Variants in BPTF observed in about 807,000 individuals in gnomAD.
The protein encoded by BPTF is nucleosome-remodeling factor subunit BPTF.
BPTF carries 18 observed loss-of-function variants against 292.5 expected under a neutral mutation model. That is an observed-to-expected ratio of 0.06 (90% CI 0.04 to 0.09). The LOEUF (loss-of-function observed/expected upper bound fraction) is 0.09. BPTF is among the 10% of genes least tolerant of loss of function. The pLI is 1.00. For missense variants in BPTF, 2,726 were observed against 3,498.7 expected, an observed-to-expected ratio of 0.78 and a Z score of 5.57; for synonymous variants, 1,225 against 1,251.9, an observed-to-expected ratio of 0.98 and a Z score of 0.45.
At chr17:67,913,453 A>G (rs2146977189) in intron 11 of BPTF, among the ~76,000 whole-genome samples, 1 of 152,330 alleles carries the variant, frequency 6.6e-6, no homozygotes, top group East Asian at 1.9e-4. Context: ...CATAAGACAA[A>G]AGGAACATGT....
intron 26 of BPTF, chr17:67,975,563 CG>C (rs2069310886): frequency 2.1e-6 from 1 of 477,840 alleles, no homozygotes; most frequent in African/African-American, 2.0e-5. Context: ...AACAGCAACC[CG>C]GATTTATATT....
chr17:67,887,139 A>G (rs965064586), intron 4 of BPTF, among the ~76,000 whole-genome samples: 1 of 152,224 alleles, frequency 6.6e-6, no homozygotes, highest in African/African-American at 2.4e-5. Flanking sequence ...AAATTCAACA[A>G]CATCATTCCT....
chr17:67,928,223 G>T, intron 15 of BPTF, 132 bp from the exon 16 acceptor site: 1 of 1,008,338 alleles, frequency 9.9e-7, no homozygotes, highest in Non-Finnish European at 1.4e-6. Context: ...TATTCTTTTT[G>T]GAAGTAAAAT....
intron 7 of BPTF, among the ~76,000 whole-genome samples, chr17:67,900,754 A>T (rs1389466707): frequency 6.6e-6 from 1 of 152,158 alleles, no homozygotes; most frequent in African/African-American, 2.4e-5. Context: ...TCACGCCTGT[A>T]ATCCCAACAC....
chr17:67,906,719 A>G (rs2062226710), intron 9 of BPTF, among the ~76,000 whole-genome samples: 1 of 152,082 alleles, frequency 6.6e-6, no homozygotes, highest in Admixed American at 6.6e-5. Flanking sequence ...AAATAGATAT[A>G]TTTTTTATAT....
At chr17:67,881,892 G>A (rs1393402065) in intron 4 of BPTF, among the ~76,000 whole-genome samples, 7 of 112,728 alleles carry the variant, frequency 6.2e-5, no homozygotes, top group South Asian at 2.9e-4. Context: ...TTTGAGACAG[G>A]GTCTTGCTCT....
chr17:67,826,588 C>A (rs1425268721), intron 1 of BPTF, among the ~76,000 whole-genome samples: 1 of 147,976 alleles, frequency 6.8e-6, no homozygotes, highest in African/African-American at 2.5e-5. Flanking sequence ...TCTCCCCCCC[C>A]CAACCCCCTT....
chr17:67,840,687 G>A (rs2057485932), intron 1 of BPTF, among the ~76,000 whole-genome samples: 1 of 152,000 alleles, frequency 6.6e-6, no homozygotes, highest in Non-Finnish European at 1.5e-5. Flanking sequence ...TTCAGCCTCT[G>A]AAGTAGTTGG....
chr17:67,866,816 A>G (rs1689727022), intron 3 of BPTF, 129 bp downstream of exon 3: 2 of 677,818 alleles, frequency 3.0e-6, no homozygotes, highest in Admixed American at 2.9e-5. Context: ...TGATGGGGAT[A>G]CATTCTGAAA....
At chr17:67,884,032 A>G (rs1162413932) in intron 4 of BPTF, among the ~76,000 whole-genome samples, 1 of 151,954 alleles carries the variant, frequency 6.6e-6, no homozygotes, top group Non-Finnish European at 1.5e-5. Context: ...AGATCATTTT[A>G]TGTGTGAACA....
rs1416933041 is a variant in BPTF at position 67,826,006 on chromosome 17, G to A, written c.282G>A (p.Gly94=). The A allele has an allele frequency of 1.7e-6, 2 of 1,165,766 alleles. No individual in the cohort carries two copies. Among genetic ancestry groups the A allele is most frequent in the African/African-American group, 3.2e-5 (2 of 61,692 alleles). 72.2% of individuals were successfully genotyped at this position (1,165,766 alleles called of 1,614,324 possible). Reference sequence around the variant, plus strand: ...GCACCAGCGCCCCGGGCCGGGGGGGGCGAGGAGGCGGGGGCGGCAGGACGG... The same window carrying A: ...GCACCAGCGCCCCGGGCCGGGGGGGACGAGGAGGCGGGGGCGGCAGGACGG... ...PPSTSAPGRG[G]RGGGGGRTGG... is the part of the protein sequence containing the mutation. Residue 94 remains glycine, a synonymous_variant, in exon 1 of 28, where the codon GGG becomes GGA. Coordinates refer to ENST00000306378, the MANE Select transcript of BPTF (RefSeq NM_182641.4).
Position 67,920,030 on chromosome 17 carries a change from A to G in BPTF, c.5444A>G (p.Glu1815Gly). ...GTTRTETSET[E>G]ITTTEIIKRR... The stretch of plus-strand genomic sequence containing the variant: ...ATCACCATAGAAACATCCGAAACTG[A>G]AATCACAACAACAGAAATAATTAAG... The change falls in exon 13 of 28, where the codon GAA becomes GGA. Residue 1815 changes from glutamate (E) to glycine (G), a missense_variant. By Grantham distance (98) the Glu-to-Gly change is moderately conservative. Transcript: ENST00000306378. The G allele has an allele frequency of 6.2e-7, 1 of 1,610,486 alleles. No homozygotes were observed. The highest frequency in any genetic ancestry group is 1.3e-5 in the African/African-American group (1 of 74,844).
chr17:67,943,026 G>A (rs2065506992), intron 19 of BPTF, among the ~76,000 whole-genome samples: 1 of 152,044 alleles, frequency 6.6e-6, no homozygotes, highest in Admixed American at 6.6e-5. Flanking sequence ...GAACCTCAGT[G>A]GCCTTATATA....
chr17:67,894,255 A>G, intron 7 of BPTF, 90 bp downstream of exon 7: 1 of 1,357,374 alleles, frequency 7.4e-7, no homozygotes, highest in Admixed American at 2.1e-5. Flanking sequence ...TATATTTAAG[A>G]GGCCATATTG....
chr17:67,971,500 A>T (rs1267097626), intron 26 of BPTF, among the ~76,000 whole-genome samples: 3 of 150,730 alleles, frequency 2.0e-5, no homozygotes, highest in African/African-American at 7.3e-5. Context: ...AAAAAAAAAG[A>T]GTTATTTTTA....
intron 26 of BPTF, among the ~76,000 whole-genome samples, chr17:67,972,065 A>G (rs1050927958): frequency 2.6e-5 from 4 of 152,106 alleles, no homozygotes; most frequent in Admixed American, 6.6e-5. Flanking sequence ...CACTACTCCT[A>G]TAGTGTCCCC....
Position 67,928,386 on chromosome 17 carries a change from T to C in BPTF, c.5783T>C (p.Ile1928Thr), listed in dbSNP as rs145536461. 3.1e-5 allele frequency: 50 copies of C among 1,613,464 alleles called. No individual in the cohort carries two copies. The East Asian group carries it at 3.8e-4, about 12-fold the overall frequency. Residue 1928 changes from isoleucine to threonine, a missense_variant, in exon 16 of 28, where the codon ATT (isoleucine) becomes ACT (threonine). By Grantham distance (89) the Ile-to-Thr change is moderately conservative. Transcript: ENST00000306378. ...KRLEQQKPTV[I>T]ATSTTSPTSS... Reference sequence around the variant, plus strand: ...CTGGAGCAGCAGAAGCCGACAGTGATTGCAACTTCCACTACTTCCCCAACA... The same window carrying C: ...CTGGAGCAGCAGAAGCCGACAGTGACTGCAACTTCCACTACTTCCCCAACA...
intron 1 of BPTF, among the ~76,000 whole-genome samples, chr17:67,832,414 A>T (rs2056772754): frequency 6.6e-6 from 1 of 152,202 alleles, no homozygotes; most frequent in African/African-American, 2.4e-5. Flanking sequence ...ATAGTAAGTT[A>T]TATTCAACTA....
intron 1 of BPTF, among the ~76,000 whole-genome samples, chr17:67,832,057 T>C (rs1443211545): frequency 6.6e-6 from 1 of 151,958 alleles, no homozygotes; most frequent in Non-Finnish European, 1.5e-5. Flanking sequence ...GCCCGTCTAA[T>C]TTTTGTATTT....
Sources: allele counts gnomAD v4.1 joint callset (sites outside exome capture counted in the v4.1 genomes callset), GRCh38; gene constraint gnomAD v4.1.1; transcripts MANE v1.5; gene names NCBI Gene and HGNC (gene_info 2026-07-23, HGNC 2026-07-21).